ASB3: variants seen among roughly 807,000 people sequenced by gnomAD.
The protein encoded by ASB3 is ankyrin repeat and SOCS box protein 3.
Under a neutral mutation model 54.5 loss-of-function variants are expected in ASB3, and 41 were observed. That is an observed-to-expected ratio of 0.75 (90% CI 0.59 to 0.98). The LOEUF (loss-of-function observed/expected upper bound fraction) is 0.98, where lower values mean the gene tolerates loss of function less well. ASB3 is among the 50% of genes least tolerant of loss of function. The pLI is 0.00. For missense variants in ASB3, 733 were observed against 620.0 expected, an observed-to-expected ratio of 1.18 and a Z score of -1.94; for synonymous variants, 266 against 221.2, an observed-to-expected ratio of 1.20 and a Z score of -1.80.
At chr2:53,785,295 G>A (rs946193867) in intron 1 of ASB3, among the ~76,000 whole-genome samples, 1 of 152,152 alleles carries the variant, frequency 6.6e-6, no homozygotes, top group Admixed American at 6.5e-5. Context: ...TTGAACATCA[G>A]CTCTATTGAA....
At chr2:53,681,333 T>C (rs1668361525) in intron 9 of ASB3, among the ~76,000 whole-genome samples, 1 of 152,220 alleles carries the variant, frequency 6.6e-6, no homozygotes, top group African/African-American at 2.4e-5. Flanking sequence ...CTTCTCTTTG[T>C]TGACCGTTTC....
chr2:53,755,982 C>CCA (rs1558562267), intron 2 of ASB3, among the ~76,000 whole-genome samples: 1 of 151,042 alleles, frequency 6.6e-6, no homozygotes, highest in Non-Finnish European at 1.5e-5. Context: ...GTAAGACCCC[C>CCA]CCCCCACCTC....
At chr2:53,744,536 C>A (rs1672124753) in intron 3 of ASB3, among the ~76,000 whole-genome samples, 1 of 152,052 alleles carries the variant, frequency 6.6e-6, no homozygotes, top group South Asian at 2.1e-4. Context: ...TCCATACTTT[C>A]AATCTAAGAA....
chr2:53,690,978 C>T (rs552683077), intron 9 of ASB3, among the ~76,000 whole-genome samples: 17 of 152,248 alleles, frequency 1.1e-4, no homozygotes, highest in African/African-American at 4.1e-4. Flanking sequence ...AATTTAATTA[C>T]TTAGACCTGA....
At chr2:53,720,138 C>CAAAAAAA (rs199786882) in intron 5 of ASB3, among the ~76,000 whole-genome samples, 1 of 141,082 alleles carries the variant, frequency 7.1e-6, no homozygotes. Flanking sequence ...ATCAGAAACT[C>CAAAAAAA]AAAAAAAAAA....
At chr2:53,670,862 A>C (rs1358382223) in intron 9 of ASB3, among the ~76,000 whole-genome samples, 172 bp from the exon 10 acceptor site, 1 of 152,234 alleles carries the variant, frequency 6.6e-6, no homozygotes, top group Non-Finnish European at 1.5e-5. Context: ...TCTTTTCTAC[A>C]GCCTTCAACT....
intron 1 of ASB3, among the ~76,000 whole-genome samples, chr2:53,776,135 G>A (rs1294613624): frequency 2.0e-5 from 3 of 152,120 alleles, no homozygotes; most frequent in African/African-American, 7.2e-5. Context: ...CTAATAATTA[G>A]TACAGAAGTT....
At chr2:53,724,208 T>C (rs1013231571) in intron 5 of ASB3, among the ~76,000 whole-genome samples, 2 of 152,244 alleles carry the variant, frequency 1.3e-5, no homozygotes, top group African/African-American at 4.8e-5. Flanking sequence ...TTATAGATTC[T>C]GGATATTACA....
chr2:53,735,922 CCT>C (rs1671601313), intron 3 of ASB3, among the ~76,000 whole-genome samples: 1 of 151,478 alleles, frequency 6.6e-6, no homozygotes, highest in Admixed American at 6.6e-5. Flanking sequence ...AATCTTCACC[CCT>C]GTCCCACACA....
intron 9 of ASB3, among the ~76,000 whole-genome samples, chr2:53,685,090 T>A (rs1260843637): frequency 6.6e-6 from 1 of 152,228 alleles, no homozygotes; most frequent in South Asian, 2.1e-4. Flanking sequence ...AGAGCCCTTA[T>A]ATGCCTTGCT....
intron 1 of ASB3, among the ~76,000 whole-genome samples, chr2:53,778,549 T>TCC (rs1437920335): frequency 6.6e-6 from 1 of 152,186 alleles, no homozygotes; most frequent in Non-Finnish European, 1.5e-5. Flanking sequence ...CCCCATGCCT[T>TCC]CCCTCCAACC....
intron 9 of ASB3, among the ~76,000 whole-genome samples, chr2:53,687,885 G>A (rs998559796): frequency 1.6e-4 from 25 of 152,040 alleles, no homozygotes; most frequent in Admixed American, 3.9e-4. Flanking sequence ...GCATGAACAC[G>A]GCTCACTGCA....
chr2:53,765,633 T>C (rs1558568730), intron 1 of ASB3, 48 bp from the exon 2 acceptor site: 3 of 1,608,374 alleles, frequency 1.9e-6, no homozygotes, highest in Non-Finnish European at 8.5e-7. Context: ...AAAACAACAC[T>C]TCACTCCTAG....
intron 9 of ASB3, among the ~76,000 whole-genome samples, chr2:53,685,092 T>C (rs868412777): frequency 3.9e-5 from 6 of 152,232 alleles, no homozygotes; most frequent in Non-Finnish European, 8.8e-5. Context: ...AGCCCTTATA[T>C]GCCTTGCTAG....
chr2:53,670,660 C>T lies in ASB3; in HGVS notation c.1400G>A (p.Arg467His), dbSNP rs766370904. The T allele has an allele frequency of 2.5e-5, 41 of 1,613,212 alleles. No homozygotes were observed. The highest frequency in any genetic ancestry group is 1.0e-4 in the Admixed American group (6 of 59,922). Residue 467 changes from arginine to histidine, a missense_variant, in exon 10 of 10, where the codon CGT becomes CAT. Transcript: ENST00000263634. ...TTTTAGACTGGACCGAATTTCCAAA[C>T]GACAAAGATGGGTCAGGGATGGAAC... is the stretch of plus-strand genomic sequence containing the variant. ...ATVPSLTHLC[R>H]LEIRSSLKSE...
intron 3 of ASB3, among the ~76,000 whole-genome samples, chr2:53,731,037 T>C (rs758007875): frequency 7.9e-5 from 12 of 152,168 alleles, no homozygotes; most frequent in Non-Finnish European, 1.5e-4. Flanking sequence ...GCCATTGATA[T>C]TGTACTAGTT....
chr2:53,689,100 C>T (rs193138666), intron 9 of ASB3, among the ~76,000 whole-genome samples: 3 of 150,988 alleles, frequency 2.0e-5, no homozygotes, highest in Admixed American at 2.0e-4. Context: ...TAAAGAGGGT[C>T]TAGTGCTATA....
intron 3 of ASB3, among the ~76,000 whole-genome samples, chr2:53,740,092 C>G (rs572302923): frequency 2.8e-4 from 42 of 152,304 alleles, no homozygotes; most frequent in Non-Finnish European, 5.1e-4. Context: ...TAGCAGCAGG[C>G]TGGCTGGCTA....
At chr2:53,727,922 C>T (rs182546763) in intron 5 of ASB3, among the ~76,000 whole-genome samples, 5 of 152,116 alleles carry the variant, frequency 3.3e-5, no homozygotes, top group African/African-American at 4.8e-5. Context: ...GATGGGGTTT[C>T]GCCATGTTGG....
Sources: allele counts gnomAD v4.1 joint callset (sites outside exome capture counted in the v4.1 genomes callset), GRCh38; gene constraint gnomAD v4.1.1; transcripts MANE v1.5; gene names NCBI Gene and HGNC (gene_info 2026-07-23, HGNC 2026-07-21).